The following TMC1 variants were observed in gnomAD, a reference collection of about 807,000 sequenced individuals.
The protein encoded by TMC1 is transmembrane channel-like protein 1.
TMC1 carries 84 observed loss-of-function variants against 105.8 expected under a neutral mutation model. The ratio of observed to expected loss-of-function variants is 0.79; its 90% confidence interval spans 0.67 to 0.95. The LOEUF is 0.95. Among genes scored for constraint, TMC1 ranks in the 40% least tolerant of loss-of-function variants. TMC1 has a pLI of 0.00. For synonymous variants in TMC1, 315 were observed against 311.5 expected (o/e 1.01, Z -0.12); for missense variants, 817 against 914.1 (o/e 0.89, Z 1.37).
intron 5 of TMC1, among the ~76,000 whole-genome samples, chr9:72,666,636 CTAT>C (rs985863009): frequency 6.6e-6 from 1 of 152,182 alleles, no homozygotes; most frequent in African/African-American, 2.4e-5. Context: ...GACTGAGTGC[CTAT>C]TATTTGCCAA....
intron 8 of TMC1, among the ~76,000 whole-genome samples, chr9:72,728,274 C>T (rs1184848072): frequency 6.6e-6 from 1 of 152,040 alleles, no homozygotes; most frequent in Non-Finnish European, 1.5e-5. Flanking sequence ...GATGGGAAAG[C>T]AAATATATGG....
intron 17 of TMC1, among the ~76,000 whole-genome samples, chr9:72,804,435 A>G (rs898614126): frequency 2.0e-5 from 3 of 152,228 alleles, no homozygotes; most frequent in African/African-American, 7.2e-5. Context: ...GGTTTCTAAT[A>G]TATTCACATA....
intron 13 of TMC1, among the ~76,000 whole-genome samples, chr9:72,774,215 G>T (rs1490256147): frequency 1.3e-5 from 2 of 152,148 alleles, no homozygotes. Context: ...TCTGGCAGAT[G>T]AATTTAAAGT....
chr9:72,828,249 A>G (rs1309937784), intron 21 of TMC1, among the ~76,000 whole-genome samples: 1 of 152,218 alleles, frequency 6.6e-6, no homozygotes, highest in East Asian at 1.9e-4. Context: ...TCTGGCACAG[A>G]TGCATTAGAA....
chr9:72,582,206 C>T (rs1460206917), intron 2 of TMC1, among the ~76,000 whole-genome samples: 1 of 152,202 alleles, frequency 6.6e-6, no homozygotes, highest in Non-Finnish European at 1.5e-5. Flanking sequence ...ATCCACCCGC[C>T]TCAGTCTCCC....
rs751338614 is a variant in TMC1 at position 72,836,056 on chromosome 9, C to T, written c.*83C>T. On this transcript the variant is annotated 3_prime_UTR_variant, in exon 24 of 24. Coordinates refer to ENST00000297784, the MANE Select transcript of TMC1 (RefSeq NM_138691.3). The stretch of plus-strand genomic sequence containing the variant: ...AATATGTGAACGCCCAGAGAACAAG[C>T]ACTGTGGAACTGCTATTTTCCTGTT... 6.8e-7 allele frequency: 1 copy of T among 1,461,580 alleles called. No homozygotes were observed. The highest frequency in any genetic ancestry group is 1.1e-5 in the South Asian group (1 of 88,268). The allele number at this position is 1,461,580 out of a possible 1,614,324, so 90.5% of individuals were successfully genotyped here. A position where few individuals can be genotyped will look rare whatever the true frequency, so the allele number is the denominator to read the frequency against.
rs529997367 is a variant in TMC1, at chr9:72,800,579, TAAAAG to T, written c.1567-4801_1567-4797del. The stretch of plus-strand genomic sequence containing the variant: ...TGCGATAGTCCCACACATACTGACT[TAAAAG>T]AGAAGAAATACCATTTAGTTAATCC... On this transcript the variant is annotated intron_variant, in intron 17 of 23. Transcript: ENST00000297784. Among the ~76,000 whole-genome samples the T allele has an allele frequency of 1.9e-3, 292 of 151,986 alleles. 1 individual carries two copies. The highest frequency in any genetic ancestry group is 2.7e-3 in the Non-Finnish European group (185 of 67,976).
chr9:72,747,431 C>T (rs1001443929), intron 10 of TMC1, among the ~76,000 whole-genome samples: 5 of 152,120 alleles, frequency 3.3e-5, no homozygotes, highest in Admixed American at 2.6e-4. Context: ...TTATGACAGA[C>T]TACAAATTAC....
chr9:72,632,424 G>A (rs1479085488), intron 4 of TMC1, among the ~76,000 whole-genome samples: 1 of 152,144 alleles, frequency 6.6e-6, no homozygotes, highest in Non-Finnish European at 1.5e-5. Flanking sequence ...CATTGAGGGA[G>A]CAAGGAGCAG....
chr9:72,522,369 G>C (rs1456689206), intron 1 of TMC1, among the ~76,000 whole-genome samples: 4 of 152,134 alleles, frequency 2.6e-5, no homozygotes, highest in African/African-American at 9.7e-5. Flanking sequence ...CCAAAGTGCT[G>C]GGATTACAGG....
intron 8 of TMC1, among the ~76,000 whole-genome samples, chr9:72,708,277 A>AT (rs928888470): frequency 1.3e-5 from 2 of 151,698 alleles, no homozygotes; most frequent in South Asian, 2.1e-4. Flanking sequence ...GAATTTTAGA[A>AT]TTTTTTTTCT....
chr9:72,530,073 T>G (rs534724622), intron 1 of TMC1, among the ~76,000 whole-genome samples: 3 of 152,152 alleles, frequency 2.0e-5, no homozygotes, highest in African/African-American at 7.2e-5. Flanking sequence ...ATCATTATAG[T>G]GTATCTGGGC....
At chr9:72,806,590 G>T (rs566827077) in intron 18 of TMC1, among the ~76,000 whole-genome samples, 3 of 150,304 alleles carry the variant, frequency 2.0e-5, no homozygotes, top group Admixed American at 6.6e-5. Flanking sequence ...CAGATGGGGC[G>T]GCCGGGCAGA....
At chr9:72,629,670 A>T (rs956906492) in intron 4 of TMC1, among the ~76,000 whole-genome samples, 2 of 152,208 alleles carry the variant, frequency 1.3e-5, no homozygotes, top group Non-Finnish European at 2.9e-5. Context: ...GCTTGAGAGC[A>T]TATAACTTAT....
At chr9:72,536,697 T>C (rs900610847) in intron 1 of TMC1, among the ~76,000 whole-genome samples, 2 of 152,148 alleles carry the variant, frequency 1.3e-5, no homozygotes, top group Admixed American at 1.3e-4. Flanking sequence ...CTGGGCATAG[T>C]AGTGTGAGGG....
intron 4 of TMC1, among the ~76,000 whole-genome samples, chr9:72,631,455 C>T (rs1432296896): frequency 6.6e-6 from 1 of 152,102 alleles, no homozygotes; most frequent in African/African-American, 2.4e-5. Flanking sequence ...GATCTTCTTC[C>T]CCAGAGCCAC....
At chr9:72,634,570 A>G (rs1825502805) in intron 4 of TMC1, among the ~76,000 whole-genome samples, 1 of 152,196 alleles carries the variant, frequency 6.6e-6, no homozygotes, top group Non-Finnish European at 1.5e-5. Context: ...TTTAAAGTTA[A>G]AAAAGGCAGT....
chr9:72,832,686 T>C (rs530123770), intron 23 of TMC1, among the ~76,000 whole-genome samples: 5 of 152,226 alleles, frequency 3.3e-5, no homozygotes, highest in African/African-American at 1.2e-4. Context: ...TAGCCTTTTT[T>C]CTTTTCCCTC....
Position 72,628,058 on chromosome 9 carries a change from G to T in TMC1, c.-58G>T, listed in dbSNP as rs575997087. ...GGTGAATGCTTAAGGAGCTGCAGAA[G>T]GGAAGGTAGTGAGGAGACAGTTAAA... On this transcript the variant is annotated 5_prime_UTR_variant, in exon 4 of 24. The change creates a new upstream start codon in the 5' untranslated region. Coordinates refer to ENST00000297784, the MANE Select transcript of TMC1 (RefSeq NM_138691.3). 1 of 455,770 alleles carries T rather than the reference G, an allele frequency of 2.2e-6. No individual in the cohort carries two copies. The highest frequency in any genetic ancestry group is 1.5e-5 in the South Asian group (1 of 64,532). 28.2% of individuals were successfully genotyped at this position (455,770 alleles called of 1,614,324 possible). A position where few individuals can be genotyped will look rare whatever the true frequency, so the allele number is the denominator to read the frequency against.
Sources: gnomAD v4.1 joint callset for allele counts (sites outside exome capture counted in the v4.1 genomes callset) on GRCh38, gnomAD v4.1.1 for gene constraint, MANE v1.5 for transcripts, NCBI Gene and HGNC (gene_info 2026-07-23, HGNC 2026-07-21) for gene names.